Variants in PTPRD observed in about 807,000 individuals in gnomAD.
PTPRD encodes the protein receptor-type tyrosine-protein phosphatase delta.
A neutral mutation model predicts 214.5 loss-of-function variants in PTPRD; 34 were observed. The observed-to-expected ratio is 0.16, with a 90% confidence interval of 0.12 to 0.21. The LOEUF (loss-of-function observed/expected upper bound fraction) is 0.21. Ranked by LOEUF, PTPRD falls within the 10% of genes least tolerant of loss-of-function variation. PTPRD has a pLI of 1.00. For missense variants in PTPRD, 2,545 were observed against 2,398.7 expected (o/e 1.06, Z -1.27); for synonymous variants, 1,128 against 845.7 (o/e 1.33, Z -5.79).
chr9:10,382,313 C>T (rs1158420727), intron 2 of PTPRD, among the ~76,000 whole-genome samples: 1 of 151,906 alleles, frequency 6.6e-6, no homozygotes, highest in Non-Finnish European at 1.5e-5. Flanking sequence ...CAAATAAACA[C>T]ATATCAGTCT....
At chr9:8,919,887 C>CATAGATGTACATGCATGTATCATGCATAA (rs2098814452) in intron 11 of PTPRD, among the ~76,000 whole-genome samples, 1 of 135,206 alleles carries the variant, frequency 7.4e-6, no homozygotes, top group Non-Finnish European at 1.7e-5. Flanking sequence ...ATCATGCATA[C>CATAGATGTACATGCATGTATCATGCATAA]ATAGATGTAC....
At chr9:8,713,488 G>T in intron 12 of PTPRD, 1 of 1,128,674 alleles carries the variant, frequency 8.9e-7, no homozygotes. Context: ...GTCTTCAGGG[G>T]AGACTGTCTA....
chr9:10,429,684 C>T (rs921144341), intron 2 of PTPRD, among the ~76,000 whole-genome samples: 2 of 148,816 alleles, frequency 1.3e-5, no homozygotes, highest in Non-Finnish European at 3.0e-5. Context: ...TATATATGTT[C>T]ACATGGACAT....
intron 3 of PTPRD, among the ~76,000 whole-genome samples, chr9:10,322,840 CA>C (rs1375646427): frequency 6.6e-6 from 1 of 151,962 alleles, no homozygotes; most frequent in African/African-American, 2.4e-5. Flanking sequence ...GCCAACATGT[CA>C]TCAGGGAGGG....
intron 3 of PTPRD, among the ~76,000 whole-genome samples, chr9:10,236,558 A>G (rs1319033626): frequency 6.6e-6 from 1 of 151,918 alleles, no homozygotes; most frequent in African/African-American, 2.4e-5. Flanking sequence ...GCAGTATTAG[A>G]TTTCCCTTAT....
intron 35 of PTPRD, among the ~76,000 whole-genome samples, chr9:8,420,752 CCCTT>C (rs1454208484): frequency 6.6e-6 from 1 of 151,258 alleles, no homozygotes; most frequent in Non-Finnish European, 1.5e-5. Flanking sequence ...AAAGACAGCT[CCCTT>C]TGCCCTCAGA....
At chr9:9,420,486 T>A (rs901428427) in intron 8 of PTPRD, among the ~76,000 whole-genome samples, 18 of 151,900 alleles carry the variant, frequency 1.2e-4, no homozygotes, top group African/African-American at 3.9e-4. Flanking sequence ...CATTATATTT[T>A]AAAATACCTA....
In PTPRD at chr9:9,677,015, T is replaced by C. The variant is rs181793605; in HGVS notation, c.-287+57518A>G. On this transcript the variant is annotated intron_variant, in intron 7 of 45. Transcript: ENST00000381196. ...TAAATTTGTTTGAGTTCCTTGTAGATTCTGGATATTAGCCCTTTGTCAGAA... is the reference window on the plus strand; with the variant it reads ...TAAATTTGTTTGAGTTCCTTGTAGACTCTGGATATTAGCCCTTTGTCAGAA... Among the ~76,000 whole-genome samples, 695 of 152,300 alleles carry C rather than the reference T, an allele frequency of 4.6e-3. 2 individuals carry two copies. Among genetic ancestry groups the C allele is most frequent in the Non-Finnish European group, 5.9e-3 (404 of 68,026 alleles).
chr9:10,589,852 G>A (rs551943738), intron 2 of PTPRD, among the ~76,000 whole-genome samples: 11 of 152,098 alleles, frequency 7.2e-5, no homozygotes, highest in Non-Finnish European at 8.8e-5. Flanking sequence ...ATATCTGCCT[G>A]GAACGCCTAA....
chr9:9,024,352 G>GTTTTT (rs397944358), intron 10 of PTPRD, among the ~76,000 whole-genome samples: 1 of 140,042 alleles, frequency 7.1e-6, no homozygotes, highest in Non-Finnish European at 1.5e-5. Context: ...TTTTTTGTTT[G>GTTTTT]TTTTTTTTTT....
At chr9:8,571,213 A>G (rs1594157543) in intron 14 of PTPRD, among the ~76,000 whole-genome samples, 1 of 152,124 alleles carries the variant, frequency 6.6e-6, no homozygotes, top group East Asian at 1.9e-4. Flanking sequence ...CTTTCCTACT[A>G]ATTCTATTTC....
chr9:9,517,544 T>G (rs1458451449), intron 8 of PTPRD, among the ~76,000 whole-genome samples: 2 of 152,062 alleles, frequency 1.3e-5, no homozygotes, highest in Admixed American at 1.3e-4. Flanking sequence ...TTAATGTTTC[T>G]TCCTACACCA....
chr9:10,078,092 T>A (rs2098164738), intron 3 of PTPRD, among the ~76,000 whole-genome samples: 1 of 144,616 alleles, frequency 6.9e-6, no homozygotes, highest in Non-Finnish European at 1.6e-5. Context: ...CTGAGAAATA[T>A]TAGAAAATAA....
chr9:9,772,972 G>T (rs1217313215), intron 5 of PTPRD, among the ~76,000 whole-genome samples: 1 of 152,086 alleles, frequency 6.6e-6, no homozygotes, highest in Admixed American at 6.5e-5. Flanking sequence ...TCTAAAAAAG[G>T]AAATAAGCTA....
At position 8,445,736 on chromosome 9, in the gene PTPRD, A is replaced by G. The variant is rs1013041437; in HGVS notation, c.3988+3989T>C. 3.9e-5 allele frequency among the ~76,000 whole-genome samples: 6 copies of G among 152,314 alleles called. No individual in the cohort carries two copies. The East Asian group carries it at 1.2e-3, about 29-fold the overall frequency. ...AATTCCATATTGTCTCTGATGCAGC[A>G]ATCGGTTAAGTCACAATTACATTAT... On this transcript the variant is annotated intron_variant, in intron 34 of 45. Transcript: ENST00000381196.
intron 38 of PTPRD, 37 bp downstream of exon 38, chr9:8,376,552 GCTTTCTTTAAACAATAGA>G (rs761289368): frequency 5.6e-6 from 9 of 1,608,260 alleles, no homozygotes; most frequent in Non-Finnish European, 6.8e-6. Context: ...CTCAAAAGAA[GCTTTCTTTAAACAATAGA>G]GAAGGGAAAG....
chr9:8,627,038 C>G (rs973034032), intron 14 of PTPRD, among the ~76,000 whole-genome samples: 6 of 151,772 alleles, frequency 4.0e-5, no homozygotes, highest in African/African-American at 1.2e-4. Context: ...CTACTCCTCT[C>G]TCAAGTTAGC....
At chr9:10,515,314 T>A (rs2049686405) in intron 2 of PTPRD, among the ~76,000 whole-genome samples, 1 of 152,066 alleles carries the variant, frequency 6.6e-6, no homozygotes, top group East Asian at 1.9e-4. Context: ...TTTTGAAAAA[T>A]GCTAAATACT....
intron 11 of PTPRD, among the ~76,000 whole-genome samples, chr9:8,782,968 T>C (rs1425320037): frequency 6.6e-6 from 1 of 152,108 alleles, no homozygotes; most frequent in Non-Finnish European, 1.5e-5. Flanking sequence ...GCAGTGATGT[T>C]TTATCTCAAA....
Sources: allele counts gnomAD v4.1 joint callset (sites outside exome capture counted in the v4.1 genomes callset), GRCh38; gene constraint gnomAD v4.1.1; transcripts MANE v1.5; gene names NCBI Gene and HGNC (gene_info 2026-07-23, HGNC 2026-07-21).